The following RNF103 variants were observed in gnomAD, a reference collection of about 807,000 sequenced individuals.
RNF103 encodes E3 ubiquitin-protein ligase RNF103.
A neutral mutation model predicts 66.2 loss-of-function variants in RNF103; 23 were observed. The ratio of observed to expected loss-of-function variants is 0.35; its 90% CI spans 0.25 to 0.49. The LOEUF is 0.49. RNF103 is among the 20% of genes least tolerant of loss of function. The pLI is 0.98. For missense variants in RNF103, 730 were observed against 814.7 expected (o/e 0.90, Z 1.27); for synonymous variants, 297 against 289.9 (o/e 1.02, Z -0.25).
rs552661035 is a variant in RNF103, at chr2:86,611,473, G to A, written c.482+686C>T. Among the ~76,000 whole-genome samples the A allele has an allele frequency of 6.0e-4, 91 of 151,468 alleles. 1 individual carries two copies. Among genetic ancestry groups the A allele is most frequent in the Middle Eastern group, 6.8e-3 (2 of 292 alleles). Reference sequence around the variant, plus strand: ...GTTATAACTTGGTAGCAAGAGAAATGGAAAAAAAGGCATTTCAAAGAAGAA... The same window carrying A: ...GTTATAACTTGGTAGCAAGAGAAATAGAAAAAAAGGCATTTCAAAGAAGAA... On this transcript the variant is annotated intron_variant, in intron 3 of 3. Coordinates refer to ENST00000237455, the MANE Select transcript of RNF103 (RefSeq NM_005667.4).
chr2:86,617,704 T>C, intron 2 of RNF103: 2 of 995,020 alleles, frequency 2.0e-6, no homozygotes, highest in Non-Finnish European at 1.2e-6. Flanking sequence ...GATTAATATA[T>C]ATGATCTGAG....
chr2:86,606,534 G>A (rs1434365966), intron 3 of RNF103, among the ~76,000 whole-genome samples: 4 of 151,778 alleles, frequency 2.6e-5, no homozygotes, highest in East Asian at 2.0e-4. Context: ...ATGGCAACGC[G>A]TGCCTGTAAT....
intron 3 of RNF103, among the ~76,000 whole-genome samples, chr2:86,611,724 C>T (rs75997951): frequency 1.2e-3 from 178 of 152,168 alleles, no homozygotes; most frequent in African/African-American, 4.0e-3. Context: ...AAGAATATAT[C>T]TAGGGATAGT....
chr2:86,614,783 G>A (rs1035630538), intron 2 of RNF103: 26 of 978,876 alleles, frequency 2.7e-5, no homozygotes, highest in Non-Finnish European at 3.0e-5. Flanking sequence ...AGATTCCTTA[G>A]GAAGATTAAG....
rs1678508082 is a variant in RNF103 at position 86,605,391 on chromosome 2, T to C, written c.510A>G (p.Arg170=). The change falls in exon 4 of 4, where the codon CGA becomes CGG. Residue 170 remains arginine, a synonymous_variant. Transcript: ENST00000237455. ...PRYCRRRGWV[R]STLIMSVPQT... is the part of the protein sequence containing the mutation. ...GTGGAACAGACATAATGAGTGTGGA[T>C]CGGACCCAGCCTCTTCTCCTGCAAT... 1.2e-6 allele frequency: 2 copies of C among 1,613,228 alleles called. No homozygotes were observed. The highest frequency in any genetic ancestry group is 2.2e-5 in the South Asian group (2 of 90,982).
At position 86,604,588 on chromosome 2, in the gene RNF103, CTCT is replaced by C. The variant is rs756871691; in HGVS notation, c.1310_1312del (p.Lys437del). The C allele has an allele frequency of 8.7e-6, 14 of 1,614,048 alleles. No homozygotes were observed. Among genetic ancestry groups the C allele is most frequent in the Non-Finnish European group, 1.2e-5 (14 of 1,180,038 alleles). On this transcript the variant is annotated inframe_deletion, in exon 4 of 4. Coordinates refer to ENST00000237455, the MANE Select transcript of RNF103 (RefSeq NM_005667.4). ...TTCATCATTGTTGTTGTTGCGCCTT[CTCT>C]TCTTCTCAAAGTAATCAATTAGTAA...
chr2:86,606,862 T>G (rs911400275), intron 3 of RNF103, among the ~76,000 whole-genome samples: 1 of 151,980 alleles, frequency 6.6e-6, no homozygotes, highest in African/African-American at 2.4e-5. Flanking sequence ...ATTGCAGTCT[T>G]GAACTCCTGG....
intron 2 of RNF103, chr2:86,618,468 C>T (rs1010711364): frequency 2.0e-5 from 3 of 152,528 alleles, no homozygotes; most frequent in African/African-American, 7.2e-5. Flanking sequence ...ATATTTATTA[C>T]AGGAGCTTAA....
At chr2:86,613,228 C>A (rs737462) in intron 2 of RNF103, 92,307 of 152,140 alleles carry the variant, frequency 0.61, 29,674 homozygotes, top group East Asian at 0.86. Context: ...CCACTGCAAT[C>A]CAGCCTGGGT....
At chr2:86,605,696 T>C (rs745812669) in intron 3 of RNF103, among the ~76,000 whole-genome samples, 1 of 152,124 alleles carries the variant, frequency 6.6e-6, no homozygotes, top group Non-Finnish European at 1.5e-5. Context: ...TACCTACAAC[T>C]GCGTTATGTG....
intron 3 of RNF103, among the ~76,000 whole-genome samples, chr2:86,606,543 A>T (rs535147431): frequency 6.6e-6 from 1 of 151,606 alleles, no homozygotes; most frequent in Non-Finnish European, 1.5e-5. Context: ...CGTGCCTGTA[A>T]TCCCAGCTAC....
Position 86,617,467 on chromosome 2 carries a change from T to G in RNF103, c.366+2863A>C, listed in dbSNP as rs995433874. 3 of 454,410 alleles carry G rather than the reference T, an allele frequency of 6.6e-6. No individual in the cohort carries two copies. The East Asian group carries it at 4.6e-4, about 70-fold the overall frequency. 28.1% of individuals were successfully genotyped at this position (454,410 alleles called of 1,614,324 possible). On this transcript the variant is annotated intron_variant, in intron 2 of 3. Transcript: ENST00000237455. ...TACTGTTATAATTGTTCTATTTTTA[T>G]TAGTTGTTGTTGTTACTGTGCCTAA...
intron 1 of RNF103, 134 bp from the exon 2 acceptor site, chr2:86,620,603 G>C: frequency 8.3e-7 from 1 of 1,199,096 alleles, no homozygotes; most frequent in East Asian, 2.7e-5. Flanking sequence ...AGAACTACTA[G>C]AAGAACCTGG....
chr2:86,609,806 G>T (rs1464858850), intron 3 of RNF103, among the ~76,000 whole-genome samples: 2 of 152,180 alleles, frequency 1.3e-5, no homozygotes, highest in African/African-American at 4.8e-5. Context: ...CCCCAGAGAA[G>T]GGACTACAGT....
rs1037999736 is a variant in RNF103, at chr2:86,603,470, A to G, written c.*373T>C. 1.6e-5 allele frequency: 3 copies of G among 189,098 alleles called. No homozygotes were observed. Among genetic ancestry groups the G allele is most frequent in the Admixed American group, 5.6e-5 (1 of 17,738 alleles). 11.7% of individuals were successfully genotyped at this position (189,098 alleles called of 1,614,324 possible). A position where few individuals can be genotyped will look rare whatever the true frequency, so the allele number is the denominator to read the frequency against. On this transcript the variant is annotated 3_prime_UTR_variant, in exon 4 of 4. Transcript: ENST00000237455. The stretch of plus-strand genomic sequence containing the variant: ...TCTCACAGCATACATTATTTAACCA[A>G]GAGGTGCTGGACAGAGATTGTAAAA...
intron 3 of RNF103, among the ~76,000 whole-genome samples, chr2:86,610,963 G>A (rs1267202004): frequency 6.7e-6 from 1 of 148,366 alleles, no homozygotes; most frequent in Non-Finnish European, 1.5e-5. Context: ...ATGTGACTAA[G>A]ATTCTGTGGT....
intron 3 of RNF103, among the ~76,000 whole-genome samples, chr2:86,610,026 G>A (rs987946731): frequency 6.6e-6 from 1 of 152,022 alleles, no homozygotes; most frequent in African/African-American, 2.4e-5. Context: ...GTCATCAAAA[G>A]AAAAGAAAAA....
At position 86,603,754 on chromosome 2, in the gene RNF103, T is replaced by TA. The variant is rs1257698472; in HGVS notation, c.*88dup. On this transcript the variant is annotated 3_prime_UTR_variant, in exon 4 of 4. Transcript: ENST00000237455. ...TCCCGTCACTGCACTAACATTAAAC[T>TA]AAACTTCAAACCACAAAAACATTGT... 6 of 1,507,308 alleles carry TA rather than the reference T, an allele frequency of 4.0e-6. No homozygotes were observed. The African/African-American group carries it at 8.4e-5, about 21-fold the overall frequency. The allele number at this position is 1,507,308 out of a possible 1,614,324, so 93.4% of individuals were successfully genotyped here.
At chr2:86,609,742 A>G (rs1432981667) in intron 3 of RNF103, among the ~76,000 whole-genome samples, 4 of 152,122 alleles carry the variant, frequency 2.6e-5, no homozygotes, top group Admixed American at 1.3e-4. Flanking sequence ...ACAGGTCAGG[A>G]AAGTACAGCT....
Sources: allele counts gnomAD v4.1 joint callset (sites outside exome capture counted in the v4.1 genomes callset), GRCh38; gene constraint gnomAD v4.1.1; transcripts MANE v1.5; gene names NCBI Gene and HGNC (gene_info 2026-07-23, HGNC 2026-07-21).